Variants in MGARP observed in about 807,000 individuals in gnomAD.
MGARP encodes the protein protein MGARP.
Under a neutral mutation model 11.0 loss-of-function variants are expected in MGARP, and 12 were observed. That is an observed-to-expected ratio of 1.09 (90% CI 0.70 to 1.77). The LOEUF (loss-of-function observed/expected upper bound fraction) is 1.77. MGARP is among the 40% of genes most tolerant of loss of function. The pLI is 0.00. For synonymous variants in MGARP, 110 were observed against 115.4 expected (o/e 0.95, Z 0.30); for missense variants, 283 against 297.8 (o/e 0.95, Z 0.36).
At chr4:139,270,317 A>C (rs920534279) in intron 2 of MGARP, among the ~76,000 whole-genome samples, 2 of 150,634 alleles carry the variant, frequency 1.3e-5, no homozygotes, top group Non-Finnish European at 3.0e-5. Context: ...AAAAAAAAGA[A>C]AGAAAGAAAA....
At chr4:139,278,427 T>A (rs1744904955) in intron 1 of MGARP, among the ~76,000 whole-genome samples, 1 of 152,224 alleles carries the variant, frequency 6.6e-6, no homozygotes, top group African/African-American at 2.4e-5. Context: ...ACATTTTAAG[T>A]GCTGCAAAAA....
At chr4:139,279,113 G>T (rs1744916941) in intron 1 of MGARP, among the ~76,000 whole-genome samples, 1 of 152,138 alleles carries the variant, frequency 6.6e-6, no homozygotes, top group Non-Finnish European at 1.5e-5. Context: ...TCTAAGAGCC[G>T]TCCCCCAGTC....
intron 2 of MGARP, among the ~76,000 whole-genome samples, chr4:139,270,608 G>GAAAAAAA (rs751695236): frequency 2.9e-4 from 26 of 89,006 alleles, no homozygotes; most frequent in African/African-American, 9.3e-4. Flanking sequence ...GACCGCGTCT[G>GAAAAAAA]AAAAAAAAAA....
At position 139,278,305 on chromosome 4, in the gene MGARP, C is replaced by A. The variant is rs562927821; in HGVS notation, c.82+1772G>T. On this transcript the variant is annotated intron_variant, in intron 1 of 3. Coordinates refer to ENST00000398955, the MANE Select transcript of MGARP (RefSeq NM_032623.4). The stretch of plus-strand genomic sequence containing the variant: ...GAGACACAGTTAAAAATTTTTCCTT[C>A]AATAAAACTGAAAAAAATTATTTTT... 2.6e-5 allele frequency among the ~76,000 whole-genome samples: 4 copies of A among 152,078 alleles called. No homozygotes were observed. In the East Asian group the frequency reaches 5.8e-4, roughly 22 times the overall value.
intron 2 of MGARP, among the ~76,000 whole-genome samples, chr4:139,273,503 T>A (rs1744818469): frequency 6.7e-6 from 1 of 149,646 alleles, no homozygotes; most frequent in African/African-American, 2.5e-5. Flanking sequence ...ACCGCATTAC[T>A]TTTATTCTTT....
At chr4:139,275,434 A>G (rs1234263883) in intron 1 of MGARP, 42 bp from the exon 2 acceptor site, 1 of 1,478,482 alleles carries the variant, frequency 6.8e-7, no homozygotes, top group Admixed American at 1.8e-5. Flanking sequence ...TCACTAGTTG[A>G]GCAAAACTAT....
chr4:139,267,017 G>C lies in MGARP; in HGVS notation c.305C>G (p.Thr102Ser). Residue 102 changes from threonine (T) to serine (S), a missense_variant, in exon 4 of 4, where the codon ACT becomes AGT. Physicochemically the swap from Thr to Ser is moderately conservative, Grantham distance 58 (BLOSUM62 1). Transcript: ENST00000398955. ...TGGGGCTTCTGAACTTGCTTTCTCA[G>C]TTTCCGCAACATTCTCCTTTTCACC... ...FQGEKENVAETEKASSEAPEE... is the reference protein window; with the variant it reads ...FQGEKENVAESEKASSEAPEE... The C allele has an allele frequency of 6.2e-7, 1 of 1,613,672 alleles. No individual in the cohort carries two copies. The highest frequency in any genetic ancestry group is 8.5e-7 in the Non-Finnish European group (1 of 1,179,766).
intron 2 of MGARP, among the ~76,000 whole-genome samples, chr4:139,270,021 G>A (rs1744754179): frequency 6.6e-6 from 1 of 152,136 alleles, no homozygotes; most frequent in African/African-American, 2.4e-5. Flanking sequence ...TAATGTCGGG[G>A]CCGGGTGCAA....
intron 2 of MGARP, among the ~76,000 whole-genome samples, chr4:139,273,367 A>G (rs948489274): frequency 2.0e-5 from 3 of 151,848 alleles, no homozygotes; most frequent in Admixed American, 6.6e-5. Flanking sequence ...CCACAGGCAC[A>G]CACCACCACG....
chr4:139,273,444 A>G (rs1307618575), intron 2 of MGARP, among the ~76,000 whole-genome samples: 2 of 151,276 alleles, frequency 1.3e-5, no homozygotes, highest in African/African-American at 4.9e-5. Context: ...ACTGGTCTCA[A>G]ACTCCCGGAC....
At chr4:139,272,069 T>G (rs1448386348) in intron 2 of MGARP, among the ~76,000 whole-genome samples, 4 of 150,076 alleles carry the variant, frequency 2.7e-5, no homozygotes, top group Non-Finnish European at 4.5e-5. Context: ...TTTTTTTTTT[T>G]GGTGGCCTAC....
chr4:139,268,722 T>C lies in MGARP; in HGVS notation c.230A>G (p.His77Arg), dbSNP rs750859513. The C allele has an allele frequency of 1.9e-6, 3 of 1,612,404 alleles. No individual in the cohort carries two copies. Among genetic ancestry groups the C allele is most frequent in the Non-Finnish European group, 2.5e-6 (3 of 1,179,370 alleles). Residue 77 changes from histidine (H) to arginine (R), a missense_variant, in exon 3 of 4, where the codon CAT becomes CGT. His to Arg is a conservative substitution (Grantham distance 29, BLOSUM62 0). Coordinates refer to ENST00000398955, the MANE Select transcript of MGARP (RefSeq NM_032623.4). ...VTSDQAKHTE[H>R]KTNLKEKTKA... Reference sequence around the variant, plus strand: ...TGTTTTTTCTTTCAAATTTGTTTTATGTTCTGTGTGTTTGGCTTGGTCTGA... The same window carrying C: ...TGTTTTTTCTTTCAAATTTGTTTTACGTTCTGTGTGTTTGGCTTGGTCTGA...
intron 1 of MGARP, 45 bp downstream of exon 1, chr4:139,280,031 AC>A (rs936066795): frequency 6.3e-7 from 1 of 1,598,150 alleles, no homozygotes; most frequent in African/African-American, 1.3e-5. Flanking sequence ...CGAAATCTGC[AC>A]CCGAGGCGCC....
intron 1 of MGARP, among the ~76,000 whole-genome samples, chr4:139,278,630 G>T (rs756855427): frequency 6.6e-6 from 1 of 152,120 alleles, no homozygotes; most frequent in African/African-American, 2.4e-5. Flanking sequence ...GCATGATGTC[G>T]GTGGGGAACG....
At position 139,271,307 on chromosome 4, in the gene MGARP, C is replaced by T. The variant is rs78335067; in HGVS notation, c.187-2542G>A. On this transcript the variant is annotated intron_variant, in intron 2 of 3. Transcript: ENST00000398955. ...TTGGGAGGCCGAGGCGGGTGGATCA[C>T]CTGAGGTCAGGAGTTCGAGACCAGC... 4.6e-5 allele frequency among the ~76,000 whole-genome samples: 7 copies of T among 152,086 alleles called. No individual in the cohort carries two copies. The South Asian group carries it at 1.0e-3, about 22-fold the overall frequency.
At chr4:139,270,695 G>T (rs555605445) in intron 2 of MGARP, among the ~76,000 whole-genome samples, 3 of 152,108 alleles carry the variant, frequency 2.0e-5, no homozygotes, top group Admixed American at 2.0e-4. Flanking sequence ...ACTTCCCGGG[G>T]TTTAGTGAAC....
intron 3 of MGARP, 101 bp downstream of exon 3, chr4:139,268,571 G>A (rs1343962917): frequency 1.3e-6 from 1 of 764,624 alleles, no homozygotes; most frequent in South Asian, 2.1e-5. Flanking sequence ...ATTAAGCTAG[G>A]AAAGAAGCCA....
intron 1 of MGARP, among the ~76,000 whole-genome samples, chr4:139,277,197 A>C (rs1375826691): frequency 6.6e-6 from 1 of 152,144 alleles, no homozygotes; most frequent in East Asian, 1.9e-4. Flanking sequence ...GCCTAACATA[A>C]AGTATAGGGG....
intron 2 of MGARP, among the ~76,000 whole-genome samples, chr4:139,273,516 T>TC (rs1744819727): frequency 6.8e-6 from 1 of 146,238 alleles, no homozygotes; most frequent in South Asian, 2.2e-4. Context: ...TATTCTTTTT[T>TC]TTTTTTTTTT....
Sources: allele counts gnomAD v4.1 joint callset (sites outside exome capture counted in the v4.1 genomes callset), GRCh38; gene constraint gnomAD v4.1.1; transcripts MANE v1.5; gene names NCBI Gene and HGNC (gene_info 2026-07-23, HGNC 2026-07-21).